The following VPS13B variants were observed in gnomAD, a reference collection of about 807,000 sequenced individuals.
VPS13B encodes the protein intermembrane lipid transfer protein VPS13B.
In VPS13B, 285 loss-of-function variants were observed where a neutral mutation model predicts 426.4. The ratio of observed to expected loss-of-function variants is 0.67; its 90% CI spans 0.61 to 0.74. The LOEUF (loss-of-function observed/expected upper bound fraction) is 0.74. VPS13B is among the 30% of genes least tolerant of loss of function. The probability of loss-of-function intolerance (pLI) is 0.00; values close to 1 mark genes in which losing one functional copy is unlikely to be tolerated. For synonymous variants in VPS13B, 1,676 were observed against 1,676.4 expected, an observed-to-expected ratio of 1.00 and a Z score of 0.01; for missense variants, 4,537 against 4,782.6, an observed-to-expected ratio of 0.95 and a Z score of 1.51.
chr8:99,552,976 C>T (rs375946166), intron 30 of VPS13B, among the ~76,000 whole-genome samples: 59 of 152,198 alleles, frequency 3.9e-4, no homozygotes, highest in Middle Eastern at 3.4e-3. Flanking sequence ...CACAGAGGTC[C>T]GTAGAAGGGC....
chr8:99,592,392 G>A (rs1360743782), intron 33 of VPS13B, among the ~76,000 whole-genome samples: 3 of 151,870 alleles, frequency 2.0e-5, no homozygotes, highest in Non-Finnish European at 4.4e-5. Context: ...GGAGTAGAAC[G>A]GGCGCTCTGG....
chr8:99,296,322 C>T (rs1192816105), intron 19 of VPS13B, among the ~76,000 whole-genome samples: 2 of 151,920 alleles, frequency 1.3e-5, no homozygotes, highest in Non-Finnish European at 2.9e-5. Flanking sequence ...TTTTAATAAA[C>T]TTTTTTTCAC....
At chr8:99,745,056 C>G (rs1032487752) in intron 39 of VPS13B, among the ~76,000 whole-genome samples, 1 of 151,466 alleles carries the variant, frequency 6.6e-6, no homozygotes, top group African/African-American at 2.4e-5. Context: ...ATAGGCATGG[C>G]CCTTTTTGTT....
intron 19 of VPS13B, among the ~76,000 whole-genome samples, chr8:99,382,050 A>T (rs912979596): frequency 2.0e-5 from 3 of 152,098 alleles, no homozygotes; most frequent in African/African-American, 7.2e-5. Context: ...GCTTATGGTT[A>T]GCCAATTCCA....
At chr8:99,437,390 A>G (rs1347680862) in intron 22 of VPS13B, among the ~76,000 whole-genome samples, 2 of 151,250 alleles carry the variant, frequency 1.3e-5, no homozygotes, top group African/African-American at 4.9e-5. Context: ...GTAGTCTTGG[A>G]CAGTCTTTTT....
intron 2 of VPS13B, among the ~76,000 whole-genome samples, chr8:99,016,564 G>T (rs1587916960): frequency 1.3e-4 from 12 of 91,226 alleles, no homozygotes; most frequent in Admixed American, 4.2e-4. Context: ...TGAGTTTTCT[G>T]TCTTATTGAT....
At chr8:99,499,930 G>A (rs1821136736) in intron 25 of VPS13B, among the ~76,000 whole-genome samples, 1 of 152,076 alleles carries the variant, frequency 6.6e-6, no homozygotes, top group Non-Finnish European at 1.5e-5. Flanking sequence ...TGAGGTTGCA[G>A]GGAAATTGAA....
intron 38 of VPS13B, 128 bp downstream of exon 38, chr8:99,720,680 G>A: frequency 8.6e-7 from 1 of 1,165,044 alleles, no homozygotes; most frequent in Non-Finnish European, 1.3e-6. Context: ...TACAAAAATA[G>A]TACATTATCA....
At chr8:99,673,090 C>A (rs1025288811) in intron 35 of VPS13B, among the ~76,000 whole-genome samples, 2 of 151,904 alleles carry the variant, frequency 1.3e-5, no homozygotes, top group Non-Finnish European at 2.9e-5. Flanking sequence ...CTGAAGTTTT[C>A]TTTTTTTAGC....
intron 35 of VPS13B, among the ~76,000 whole-genome samples, chr8:99,684,033 T>C (rs146605850): frequency 1.4e-4 from 21 of 152,334 alleles, no homozygotes; most frequent in African/African-American, 4.8e-4. Flanking sequence ...CTAGAGTTAT[T>C]ATAAATGGAT....
intron 15 of VPS13B, among the ~76,000 whole-genome samples, chr8:99,164,285 A>G (rs1351719475): frequency 1.3e-5 from 2 of 152,182 alleles, no homozygotes; most frequent in Non-Finnish European, 2.9e-5. Context: ...CACAGGACCT[A>G]GAAAGGGGAG....
At position 99,145,918 on chromosome 8, in the gene VPS13B, A is replaced by G. The variant is rs1435785294; in HGVS notation, c.1844-1923A>G. ...GCCATACCATTTTACATTACCATCC[A>G]ACGATGACTGTGTGATCCAGCTTCT... is the stretch of plus-strand genomic sequence containing the variant. On this transcript the variant is annotated intron_variant, in intron 13 of 61. Coordinates refer to ENST00000357162, the MANE Select transcript of VPS13B (RefSeq NM_152564.5). Among the ~76,000 whole-genome samples, 4 of 152,322 alleles carry G rather than the reference A, an allele frequency of 2.6e-5. No individual in the cohort carries two copies. The East Asian group carries it at 7.7e-4, about 29-fold the overall frequency.
chr8:99,643,590 A>C (rs1829459068), intron 34 of VPS13B, among the ~76,000 whole-genome samples: 3 of 152,192 alleles, frequency 2.0e-5, no homozygotes, highest in Non-Finnish European at 4.4e-5. Context: ...GGTTACCCCC[A>C]GGCTGCTTGC....
intron 3 of VPS13B, 113 bp downstream of exon 3, chr8:99,038,679 C>CTTTTT (rs34774482): frequency 4.7e-5 from 8 of 168,730 alleles, no homozygotes; most frequent in Admixed American, 2.3e-4. Context: ...AGCTTATATA[C>CTTTTT]TTTTTTTTTT....
intron 22 of VPS13B, among the ~76,000 whole-genome samples, chr8:99,437,395 CT>C (rs535013184): frequency 3.9e-4 from 58 of 149,082 alleles, no homozygotes; most frequent in East Asian, 9.7e-4. Context: ...CTTGGACAGT[CT>C]TTTTTTTTAA....
At chr8:99,371,164 AC>A (rs1213357139) in intron 19 of VPS13B, among the ~76,000 whole-genome samples, 1 of 152,190 alleles carries the variant, frequency 6.6e-6, no homozygotes, top group Non-Finnish European at 1.5e-5. Flanking sequence ...AAAGACTACT[AC>A]CATTTTGTTA....
In VPS13B at chr8:99,642,213, C is replaced by T. The variant is rs767747227; in HGVS notation, c.5623C>T (p.Leu1875Phe). ...ACISTVTAED[L>F]LRSSISFPSG... The stretch of plus-strand genomic sequence containing the variant: ...TATTTCCACGGTGACAGCAGAAGAT[C>T]TCTTAAGGAGCAGCATTTCTTTTCC... Residue 1875 changes from leucine to phenylalanine, a missense_variant, in exon 34 of 62, where the codon CTC (leucine) becomes TTC (phenylalanine). Coordinates refer to ENST00000357162, the MANE Select transcript of VPS13B (RefSeq NM_152564.5). The T allele has an allele frequency of 6.2e-7, 1 of 1,614,116 alleles. No homozygotes were observed. The highest frequency in any genetic ancestry group is 8.5e-7 in the Non-Finnish European group (1 of 1,180,012).
chr8:99,520,811 C>T, intron 29 of VPS13B, 88 bp from the exon 30 acceptor site: 1 of 987,456 alleles, frequency 1.0e-6, no homozygotes, highest in Non-Finnish European at 1.6e-6. Flanking sequence ...TAATGTGTCT[C>T]TATTCCATTC....
chr8:99,481,750 C>G lies in VPS13B; in HGVS notation c.3818C>G (p.Pro1273Arg). The change falls in exon 25 of 62, where the codon CCT becomes CGT. Residue 1273 changes from proline (P) to arginine (R), a missense_variant. Pro to Arg is a moderately radical substitution (Grantham distance 103). Around this residue, in one of 2 missense-constraint regions of VPS13B, gnomAD observed 4,311 missense variants for 4,474.3 expected, o/e 0.96. Coordinates refer to ENST00000357162, the MANE Select transcript of VPS13B (RefSeq NM_152564.5). ...SPVRSSIGTA[P>R]PDTSTCSPSA... ...GTTAGAAGCAGTATAGGCACAGCTCCTCCAGATACCAGCACATGCAGCCCA... is the reference window on the plus strand; with the variant it reads ...GTTAGAAGCAGTATAGGCACAGCTCGTCCAGATACCAGCACATGCAGCCCA... The G allele has an allele frequency of 6.2e-7, 1 of 1,613,950 alleles. No individual in the cohort carries two copies. Among genetic ancestry groups the G allele is most frequent in the Non-Finnish European group, 8.5e-7 (1 of 1,179,870 alleles).
Sources: allele counts gnomAD v4.1 joint callset (sites outside exome capture counted in the v4.1 genomes callset), GRCh38; gene constraint gnomAD v4.1.1; regional missense constraint gnomAD v4.1.1; transcripts MANE v1.5; gene names NCBI Gene and HGNC (gene_info 2026-07-23, HGNC 2026-07-21).